The following TOP1MT variants were observed in gnomAD, a reference collection of about 807,000 sequenced individuals.
TOP1MT encodes the protein DNA topoisomerase I, mitochondrial.
In TOP1MT, 80 loss-of-function variants were observed where a neutral mutation model predicts 73.9. That is an observed-to-expected ratio of 1.08 (90% CI 0.90 to 1.30). The LOEUF is 1.30. Among genes scored for constraint, TOP1MT ranks in the 50% most tolerant of loss-of-function variants. TOP1MT has a pLI of 0.00. For missense variants in TOP1MT, 815 were observed against 808.0 expected (o/e 1.01, Z -0.10); for synonymous variants, 338 against 326.4 (o/e 1.04, Z -0.38).
chr8:143,314,105 G>T (rs980326812), intron 12 of TOP1MT, among the ~76,000 whole-genome samples: 1 of 152,084 alleles, frequency 6.6e-6, no homozygotes, highest in Non-Finnish European at 1.5e-5. Context: ...GTGGCGCCTG[G>T]ACAGAGGAAT....
intron 11 of TOP1MT, 74 bp from the exon 12 acceptor site, chr8:143,315,895 C>T: frequency 6.2e-7 from 1 of 1,605,146 alleles, no homozygotes; most frequent in Admixed American, 1.7e-5. Context: ...CCCTTCCACA[C>T]CCTACGTGCC....
rs777777726 is a variant in TOP1MT at position 143,309,736 on chromosome 8, A to G, written c.1704-193T>C. 3.3e-6 allele frequency: 5 copies of G among 1,532,060 alleles called. No homozygotes were observed. In the East Asian group the frequency reaches 7.4e-5, roughly 23 times the overall value. 94.9% of individuals were successfully genotyped at this position (1,532,060 alleles called of 1,614,324 possible). ...ACCCTGGAGCATCAGCGAGGTGTCA[A>G]AGACAACCTGCTGTGGCCTAGGTGT... On this transcript the variant is annotated intron_variant, in intron 13 of 13. Transcript: ENST00000329245.
rs532469376 is a variant in TOP1MT at position 143,321,326 on chromosome 8, A to G, written c.1021T>C (p.Cys341Arg). 8.1e-6 allele frequency: 13 copies of G among 1,606,932 alleles called. No individual in the cohort carries two copies. In the South Asian group the frequency reaches 1.4e-4, roughly 18 times the overall value. ...TGGACGTGCTCCACGCGGAGGGAAC[A>G]GCAGCCCACGGTGTCGGCCGCCTCA... Reference protein sequence around the residue: ...DGEAADTVGCCSLRVEHVQLH... With the variant: ...DGEAADTVGCRSLRVEHVQLH... The change falls in exon 8 of 14, where the codon TGT becomes CGT. Residue 341 changes from cysteine (C) to arginine (R), a missense_variant. By Grantham distance (180) the Cys-to-Arg change is radical. This residue lies in a region of TOP1MT where 751 missense variants were observed against 725.4 expected (regional missense o/e 1.04). Transcript: ENST00000329245.
rs1343440026 is a variant in TOP1MT, at chr8:143,323,752, C to T, written c.960+247G>A. On this transcript the variant is annotated intron_variant, in intron 7 of 13. Coordinates refer to ENST00000329245, the MANE Select transcript of TOP1MT (RefSeq NM_052963.3). ...CACACATGCACGCCACACACATGCA[C>T]GCCCCACACAGACATGCCACACACA... Among the ~76,000 whole-genome samples the T allele has an allele frequency of 4.9e-4, 18 of 36,410 alleles. 3 individuals carry two copies. The highest frequency in any genetic ancestry group is 2.8e-3 in the African/African-American group (16 of 5,620). 23.9% of individuals were successfully genotyped at this position (36,410 alleles called of 152,430 possible). A position where few individuals can be genotyped will look rare whatever the true frequency, so the allele number is the denominator to read the frequency against.
At chr8:143,356,549 A>G (rs1817410435), upstream of TOP1MT, among the ~76,000 whole-genome samples, 1 of 152,132 alleles carries the variant, frequency 6.6e-6, no homozygotes, top group Non-Finnish European at 1.5e-5. Flanking sequence ...GCACTACGGG[A>G]GGCTGAGGCG....
chr8:143,310,261 C>T (rs1401121342), intron 12 of TOP1MT, 44 bp from the exon 13 acceptor site: 4 of 1,432,474 alleles, frequency 2.8e-6, no homozygotes, highest in East Asian at 2.5e-5. Flanking sequence ...GCTGGACTAG[C>T]GCCACCTGAG....
At chr8:143,353,842 T>G (rs916881343) in intron 1 of TOP1MT, among the ~76,000 whole-genome samples, 15 of 151,280 alleles carry the variant, frequency 9.9e-5, no homozygotes, top group African/African-American at 3.6e-4. Flanking sequence ...CGGGTGCCTG[T>G]AATCCCAGCT....
At chr8:143,347,862 C>T (rs1327377094), upstream of TOP1MT, among the ~76,000 whole-genome samples, 1 of 152,214 alleles carries the variant, frequency 6.6e-6, no homozygotes, top group Non-Finnish European at 1.5e-5. Flanking sequence ...CCTCGAAGCT[C>T]AGGCACCGAG....
chr8:143,342,815 C>T (rs1039038517), intron 2 of TOP1MT, among the ~76,000 whole-genome samples: 21 of 69,370 alleles, frequency 3.0e-4, no homozygotes, highest in East Asian at 2.1e-3. Flanking sequence ...GACAGAGTCT[C>T]GCTCTGTCAC....
rs1364342144 is a variant in TOP1MT, at chr8:143,341,116, T to C, written c.29+2104A>G. The stretch of plus-strand genomic sequence containing the variant: ...CTCCCCACAGCTGAGGGTCTCAGGC[T>C]TGCCCCTAGCGTCCCCGCCACCCTC... On this transcript the variant is annotated intron_variant, in intron 2 of 5. Transcript: ENST00000518007. This position sits in a 1 kb window ranked among gnomAD's most constrained non-coding sequence, Gnocchi z 4.1. Among the ~76,000 whole-genome samples the C allele has an allele frequency of 1.3e-5, 2 of 152,204 alleles. No individual in the cohort carries two copies. Among genetic ancestry groups the C allele is most frequent in the Non-Finnish European group, 2.9e-5 (2 of 68,030 alleles).
chr8:143,335,365 C>T (rs1374050301), upstream of TOP1MT, among the ~76,000 whole-genome samples: 1 of 152,226 alleles, frequency 6.6e-6, no homozygotes, highest in African/African-American at 2.4e-5. Flanking sequence ...CCGGCAGAAG[C>T]ACCTGCTGTC....
At chr8:143,331,569 A>C (rs1038776420) in intron 1 of TOP1MT, among the ~76,000 whole-genome samples, 4 of 152,152 alleles carry the variant, frequency 2.6e-5, no homozygotes, top group African/African-American at 9.7e-5. Flanking sequence ...TGTGCTGCTG[A>C]GTCACGGATC....
At chr8:143,329,315 C>T in intron 3 of TOP1MT, 35 bp downstream of exon 3, 1 of 1,569,506 alleles carries the variant, frequency 6.4e-7, no homozygotes, top group Non-Finnish European at 8.6e-7. Context: ...CCAGCCAGGT[C>T]CAGGACAGCT....
At chr8:143,354,793 G>A (rs1817380560) in intron 1 of TOP1MT, among the ~76,000 whole-genome samples, 1 of 151,986 alleles carries the variant, frequency 6.6e-6, no homozygotes, top group South Asian at 2.1e-4. Context: ...GAATTGGGCA[G>A]CTCCCAGAAC....
In TOP1MT at chr8:143,331,237, A is replaced by G; in HGVS notation, c.225T>C (p.Arg75=). 4 of 1,607,814 alleles carry G rather than the reference A, an allele frequency of 2.5e-6. No homozygotes were observed. Among genetic ancestry groups the G allele is most frequent in the Non-Finnish European group, 3.4e-6 (4 of 1,175,170 alleles). ...CTGCATCCTTACCTTCATAGAAGAA[A>G]CGCACTCCGTCGGGAAGGGGCTCGT... ...PPYEPLPDGV[R]FFYEGRPVRL... is the part of the protein sequence containing the mutation. The change falls in exon 2 of 14, where the codon CGT becomes CGC. Residue 75 remains arginine, a synonymous_variant. Transcript: ENST00000329245.
upstream of TOP1MT, among the ~76,000 whole-genome samples, chr8:143,347,688 G>GCAGGCAGCCAGCCAGCCAGCCAGC (rs892109676): frequency 1.3e-5 from 2 of 149,986 alleles, no homozygotes; most frequent in African/African-American, 4.9e-5. Context: ...CAGCAGGCAG[G>GCAGGCAGCCAGCCAGCCAGCCAGC]CAGCCAGCCA....
chr8:143,322,589 AC>A (rs1816490918), intron 7 of TOP1MT, among the ~76,000 whole-genome samples: 1 of 128,528 alleles, frequency 7.8e-6, no homozygotes, highest in Non-Finnish European at 1.6e-5. Flanking sequence ...CATGCACGCC[AC>A]ACACATGCAG....
At chr8:143,319,630 G>A (rs1383777343) in intron 8 of TOP1MT, among the ~76,000 whole-genome samples, 2 of 151,582 alleles carry the variant, frequency 1.3e-5, no homozygotes, top group Non-Finnish European at 2.9e-5. Flanking sequence ...CTGGAGACCA[G>A]AGATCTACCC....
upstream of TOP1MT, among the ~76,000 whole-genome samples, chr8:143,338,494 G>A (rs1817020254): frequency 6.6e-6 from 1 of 152,016 alleles, no homozygotes; most frequent in South Asian, 2.1e-4. Flanking sequence ...TTGAACCCGG[G>A]AGGTGGAGGC....
Sources: allele counts gnomAD v4.1 joint callset (sites outside exome capture counted in the v4.1 genomes callset), GRCh38; gene constraint gnomAD v4.1.1; regional missense constraint gnomAD v4.1.1; non-coding constraint Gnocchi (gnomAD v3.1); transcripts MANE v1.5; gene names NCBI Gene and HGNC (gene_info 2026-07-23, HGNC 2026-07-21).